Variants in ADAMTS20 observed in about 807,000 individuals in gnomAD.
ADAMTS20 encodes A disintegrin and metalloproteinase with thrombospondin motifs 20.
A neutral mutation model predicts 260.1 loss-of-function variants in ADAMTS20; 225 were observed. The ratio of observed to expected loss-of-function variants is 0.87; its 90% CI spans 0.78 to 0.97. The LOEUF is 0.97. Ranked by LOEUF, ADAMTS20 falls within the 50% of genes least tolerant of loss-of-function variation. ADAMTS20 has a pLI of 0.00. For synonymous variants in ADAMTS20, 802 were observed against 769.5 expected (o/e 1.04, Z -0.70); for missense variants, 2,400 against 2,337.7 (o/e 1.03, Z -0.55).
At chr12:43,495,489 G>A (rs1429495600) in intron 4 of ADAMTS20, among the ~76,000 whole-genome samples, 10 of 152,110 alleles carry the variant, frequency 6.6e-5, no homozygotes, top group Non-Finnish European at 1.5e-5. Flanking sequence ...TACTTATAAA[G>A]CTTTTTCAGA....
rs1052682079 is a variant in ADAMTS20, at chr12:43,468,819, A to G, written c.1118-114T>C. 3 of 600,066 alleles carry G rather than the reference A, an allele frequency of 5.0e-6. No individual in the cohort carries two copies. The East Asian group carries it at 8.8e-5, about 18-fold the overall frequency. The allele number at this position is 600,066 out of a possible 1,614,324, so 37.2% of individuals were successfully genotyped here. A position where few individuals can be genotyped will look rare whatever the true frequency, so the allele number is the denominator to read the frequency against. The stretch of plus-strand genomic sequence containing the variant: ...GTTATTACTTAGAAAAGAATGCAGA[A>G]TTGGCTGTTAATATTGAATAAACGT... On this transcript the variant is annotated intron_variant, in intron 7 of 38. Transcript: ENST00000389420.
At chr12:43,494,456 G>C (rs1565571512) in intron 4 of ADAMTS20, among the ~76,000 whole-genome samples, 2 of 152,160 alleles carry the variant, frequency 1.3e-5, no homozygotes, top group Non-Finnish European at 2.9e-5. Context: ...AGCATCTTTA[G>C]AGCTGCTGAC....
chr12:43,471,546 C>G (rs374370602), intron 7 of ADAMTS20, among the ~76,000 whole-genome samples: 11,711 of 126,818 alleles, frequency 0.092, 347 homozygotes, highest in Admixed American at 0.17. Context: ...CACAGACAAA[C>G]AAAAAGACAG....
At chr12:43,477,156 C>T (rs568062704) in intron 7 of ADAMTS20, among the ~76,000 whole-genome samples, 29 of 151,374 alleles carry the variant, frequency 1.9e-4, no homozygotes, top group Admixed American at 3.3e-4. Flanking sequence ...TTCTAAATGT[C>T]ATTATAATTT....
intron 29 of ADAMTS20, among the ~76,000 whole-genome samples, chr12:43,394,883 G>A (rs1171294977): frequency 2.0e-5 from 3 of 152,038 alleles, no homozygotes; most frequent in Non-Finnish European, 4.4e-5. Context: ...TCTAATGAAC[G>A]TAATAAAACC....
chr12:43,402,970 G>T (rs1940839266), intron 28 of ADAMTS20, among the ~76,000 whole-genome samples: 1 of 152,018 alleles, frequency 6.6e-6, no homozygotes, highest in Admixed American at 6.6e-5. Flanking sequence ...GCCCTGAACT[G>T]ATAATTCTTA....
At chr12:43,373,654 G>T (rs1289143658) in intron 36 of ADAMTS20, among the ~76,000 whole-genome samples, 2 of 135,912 alleles carry the variant, frequency 1.5e-5, no homozygotes, top group Non-Finnish European at 3.1e-5. Flanking sequence ...GACTAGATAT[G>T]TTAGAAATAT....
rs766259719 is a variant in ADAMTS20 at position 43,356,557 on chromosome 12, C to A, written c.5570G>T (p.Gly1857Val). 1 of 1,611,838 alleles carries A rather than the reference C, an allele frequency of 6.2e-7. No homozygotes were observed. The highest frequency in any genetic ancestry group is 8.5e-7 in the Non-Finnish European group (1 of 1,178,908). The change falls in exon 38 of 39, where the codon GGG (glycine) becomes GTG (valine). Residue 1857 changes from glycine to valine, a missense_variant. Transcript: ENST00000389420. ...GQFSINLSGT[G>V]MKISSTAKWL... ...CTTTGCTGTGCTGGATATCTTCATC[C>A]CAGTTCCTGACAAATTAATGCTAAA...
At chr12:43,421,799 A>C (rs1445038307) in intron 28 of ADAMTS20, among the ~76,000 whole-genome samples, 1 of 152,124 alleles carries the variant, frequency 6.6e-6, no homozygotes, top group Non-Finnish European at 1.5e-5. Flanking sequence ...TCTAACAAGA[A>C]TATTATGTAA....
At chr12:43,429,490 ACTT>A in intron 24 of ADAMTS20, 124 bp downstream of exon 24, 1 of 656,944 alleles carries the variant, frequency 1.5e-6, no homozygotes, top group Non-Finnish European at 2.5e-6. Context: ...TAAACCCTAT[ACTT>A]CTTTGATGCC....
chr12:43,389,507 G>A (rs1407907385), intron 29 of ADAMTS20, among the ~76,000 whole-genome samples: 1 of 152,130 alleles, frequency 6.6e-6, no homozygotes, highest in Admixed American at 6.5e-5. Flanking sequence ...GGTCCTCAGG[G>A]CTCTAGGTGG....
chr12:43,418,891 A>G (rs2137284389), intron 28 of ADAMTS20, among the ~76,000 whole-genome samples: 1 of 152,306 alleles, frequency 6.6e-6, no homozygotes, highest in African/African-American at 2.4e-5. Context: ...AATTACTGGT[A>G]TATATCAGGA....
rs149369812 is a variant in ADAMTS20, at chr12:43,368,761, G to A, written c.5538+529C>T. 1.6e-3 allele frequency among the ~76,000 whole-genome samples: 241 copies of A among 151,890 alleles called. 1 individual carries two copies. Among genetic ancestry groups the A allele is most frequent in the African/African-American group, 5.3e-3 (219 of 41,372 alleles). On this transcript the variant is annotated intron_variant, in intron 37 of 38. Coordinates refer to ENST00000389420, the MANE Select transcript of ADAMTS20 (RefSeq NM_025003.5). ...TAATGTGAGAGAATATTTTCTTCTA[G>A]GAAAACATGCTCTGTATTGGAAATC...
At chr12:43,431,183 T>A in intron 22 of ADAMTS20, 149 bp downstream of exon 22, 2 of 696,916 alleles carry the variant, frequency 2.9e-6, no homozygotes, top group South Asian at 4.2e-5. Context: ...ATGTTACACA[T>A]AAAGATTCAC....
chr12:43,368,199 C>T (rs1940028966), intron 37 of ADAMTS20, among the ~76,000 whole-genome samples: 1 of 152,016 alleles, frequency 6.6e-6, no homozygotes, highest in African/African-American at 2.4e-5. Flanking sequence ...GTTCCAGTGT[C>T]AAATAAAAAT....
chr12:43,551,831 C>G lies in ADAMTS20; in HGVS notation c.91G>C (p.Glu31Gln), dbSNP rs1478138366. 20 of 1,613,554 alleles carry G rather than the reference C, an allele frequency of 1.2e-5. No homozygotes were observed. The highest frequency in any genetic ancestry group is 1.5e-5 in the Non-Finnish European group (18 of 1,179,696). The stretch of plus-strand genomic sequence containing the variant: ...TGAAGGCGTCTCGCGGTGACTTTAC[C>G]TTGCCTGGGGTGGAAGTCAACTTCC... ...SWEVDFHPRQ[E>Q]ALVRTLTSYE... Residue 31 changes from glutamate (E) to glutamine (Q), a missense_variant and splice_region_variant, in exon 1 of 39, where the codon GAA becomes CAA. By Grantham distance (29) the Glu-to-Gln change is conservative. Coordinates refer to ENST00000389420, the MANE Select transcript of ADAMTS20 (RefSeq NM_025003.5). This position sits in a 1 kb window ranked among gnomAD's most constrained non-coding sequence, Gnocchi z 4.6.
At chr12:43,355,710 G>A (rs1939729328) in intron 38 of ADAMTS20, among the ~76,000 whole-genome samples, 1 of 152,032 alleles carries the variant, frequency 6.6e-6, no homozygotes, top group Non-Finnish European at 1.5e-5. Context: ...GATTTACTAT[G>A]AGCAGGGCTA....
chr12:43,452,726 T>A, intron 12 of ADAMTS20, 31 bp from the exon 13 acceptor site: 24 of 1,554,766 alleles, frequency 1.5e-5, no homozygotes, highest in Non-Finnish European at 2.1e-5. Flanking sequence ...TTAAAGCACA[T>A]CAGTACAACA....
chr12:43,435,165 T>A (rs1293712912), intron 18 of ADAMTS20, among the ~76,000 whole-genome samples: 2 of 152,190 alleles, frequency 1.3e-5, no homozygotes, highest in Non-Finnish European at 2.9e-5. Flanking sequence ...TAATGTAAAC[T>A]ATGGACTTTA....
Sources: allele counts gnomAD v4.1 joint callset (sites outside exome capture counted in the v4.1 genomes callset), GRCh38; gene constraint gnomAD v4.1.1; non-coding constraint Gnocchi (gnomAD v3.1); transcripts MANE v1.5; gene names NCBI Gene and HGNC (gene_info 2026-07-23, HGNC 2026-07-21).